GCAT: variants seen among roughly 807,000 people sequenced by gnomAD.
GCAT encodes the protein glycine C-acetyltransferase.
Under a neutral mutation model 39.7 loss-of-function variants are expected in GCAT, and 26 were observed. The observed-to-expected ratio is 0.65, with a 90% CI of 0.48 to 0.91. The LOEUF (loss-of-function observed/expected upper bound fraction) is 0.91, where lower values mean the gene tolerates loss of function less well. Among genes scored for constraint, GCAT ranks in the 40% least tolerant of loss-of-function variants. The pLI is 0.00. For missense variants in GCAT, 550 were observed against 576.2 expected (o/e 0.95, Z 0.47); for synonymous variants, 218 against 237.2 (o/e 0.92, Z 0.74).
chr22:37,809,384 C>T (rs1921321430), intron 1 of GCAT, among the ~76,000 whole-genome samples: 1 of 152,172 alleles, frequency 6.6e-6, no homozygotes, highest in South Asian at 2.1e-4. Flanking sequence ...AGTTCCAGGA[C>T]TGCAGCAGGC....
Position 37,813,527 on chromosome 22 carries a change from G to A in GCAT, c.494G>A (p.Gly165Asp), listed in dbSNP as rs748730448. 1 of 1,613,112 alleles carries A rather than the reference G, an allele frequency of 6.2e-7. No homozygotes were observed. Among genetic ancestry groups the A allele is most frequent in the Non-Finnish European group, 8.5e-7 (1 of 1,179,814 alleles). Residue 165 changes from glycine (G) to aspartate (D), a missense_variant, in exon 4 of 9, where the codon GGC becomes GAC. Physicochemically the swap from Gly to Asp is moderately conservative, Grantham distance 94. Transcript: ENST00000248924. ...DELNHASIID[G>D]IRLCKAHKYR... The stretch of plus-strand genomic sequence containing the variant: ...CTGAACCATGCCTCCATCATCGACG[G>A]CATCCGGCTGTGCAAGGCCCACAAG...
intron 3 of GCAT, chr22:37,813,197 G>A: frequency 3.1e-6 from 2 of 645,744 alleles, no homozygotes; most frequent in Admixed American, 4.9e-5. Context: ...AGCCTTTGGG[G>A]GATAAGCTAC....
chr22:37,813,010 G>A, intron 3 of GCAT, 22 bp downstream of exon 3: 2 of 1,519,204 alleles, frequency 1.3e-6, no homozygotes, highest in Non-Finnish European at 1.8e-6. Flanking sequence ...CTGTCCTGCG[G>A]GTGAGGGTTG....
chr22:37,816,156 T>C, intron 7 of GCAT, 44 bp from the exon 8 acceptor site: 1 of 1,600,796 alleles, frequency 6.2e-7, no homozygotes, highest in Admixed American at 1.7e-5. Flanking sequence ...CGGGTGTGAA[T>C]GCTCCACGGC....
At chr22:37,815,336 AC>A (rs1244035048) in intron 5 of GCAT, 56 bp downstream of exon 5, 2 of 1,599,066 alleles carry the variant, frequency 1.3e-6, no homozygotes, top group Admixed American at 3.4e-5. Flanking sequence ...TGGCTGGGAA[AC>A]GAGGAGGCCA....
At position 37,808,073 on chromosome 22, in the gene GCAT, G is replaced by A. The variant is rs747668156; in HGVS notation, c.106G>A (p.Glu36Lys). 1 of 1,569,826 alleles carries A rather than the reference G, an allele frequency of 6.4e-7. No individual in the cohort carries two copies. Among genetic ancestry groups the A allele is most frequent in the Non-Finnish European group, 8.6e-7 (1 of 1,159,566 alleles). ...QLRGILEGEL[E>K]GIRGAGTWKS... Reference sequence around the variant, plus strand: ...GCGTGGCATTCTGGAGGGGGAGCTGGAAGGCATCCGCGGAGCTGGCACTTG... The same window carrying A: ...GCGTGGCATTCTGGAGGGGGAGCTGAAAGGCATCCGCGGAGCTGGCACTTG... The change falls in exon 1 of 9, where the codon GAA (glutamate) becomes AAA (lysine). Residue 36 changes from glutamate to lysine, a missense_variant. Physicochemically the swap from Glu to Lys is moderately conservative, Grantham distance 56 (BLOSUM62 1). Transcript: ENST00000248924.
At position 37,815,689 on chromosome 22, in the gene GCAT, C is replaced by A; in HGVS notation, c.841C>A (p.Leu281Met). ...SGGYTTGPGPLVSLLRQRARP... is the reference protein window; with the variant it reads ...SGGYTTGPGPMVSLLRQRARP... The stretch of plus-strand genomic sequence containing the variant: ...GGGCTACACGACAGGGCCTGGGCCC[C>A]TGGTGTCCCTGCTGCGGCAGCGCGC... The change falls in exon 7 of 9, where the codon CTG (leucine) becomes ATG (methionine). Residue 281 changes from leucine to methionine, a missense_variant. Physicochemically the swap from Leu to Met is conservative, Grantham distance 15. Transcript: ENST00000248924. 1 of 1,613,186 alleles carries A rather than the reference C, an allele frequency of 6.2e-7. No individual in the cohort carries two copies. The highest frequency in any genetic ancestry group is 8.5e-7 in the Non-Finnish European group (1 of 1,179,690).
At position 37,810,238 on chromosome 22, in the gene GCAT, C is replaced by A; in HGVS notation, c.327+81C>A. 4 of 1,034,494 alleles carry A rather than the reference C, an allele frequency of 3.9e-6. No homozygotes were observed. The South Asian group carries it at 5.4e-5, about 14-fold the overall frequency. The allele number at this position is 1,034,494 out of a possible 1,614,324, so 64.1% of individuals were successfully genotyped here. On this transcript the variant is annotated intron_variant, in intron 2 of 8. Coordinates refer to ENST00000248924, the MANE Select transcript of GCAT (RefSeq NM_014291.4). The stretch of plus-strand genomic sequence containing the variant: ...CAGTCAGCAAGGCTGGTTTAGCCAG[C>A]TCAGCTCAGCCACAGCCCTGGGCCT...
At chr22:37,814,386 C>G (rs1340648942) in intron 4 of GCAT, among the ~76,000 whole-genome samples, 2 of 152,302 alleles carry the variant, frequency 1.3e-5, no homozygotes, top group East Asian at 3.9e-4. Context: ...GCCTCAGCCT[C>G]TGGAGTAGCT....
chr22:37,810,811 G>A (rs1921505070), intron 2 of GCAT, among the ~76,000 whole-genome samples: 2 of 151,900 alleles, frequency 1.3e-5, no homozygotes, highest in African/African-American at 2.4e-5. Flanking sequence ...CACCGCACTC[G>A]GCCTAATTTT....
intron 1 of GCAT, chr22:37,809,819 C>CA (rs373397808): frequency 0.032 from 16,061 of 504,722 alleles, 6 homozygotes; most frequent in East Asian, 0.056. Flanking sequence ...GACCCTGTCT[C>CA]AAAAAAAAAA....
At chr22:37,815,983 C>G (rs942065990) in intron 7 of GCAT, 149 bp downstream of exon 7, 1 of 996,240 alleles carries the variant, frequency 1.0e-6, no homozygotes, top group African/African-American at 1.6e-5. Context: ...CCTCTCCCCT[C>G]TAGCTTCTGT....
Position 37,813,535 on chromosome 22 carries a change from C to T in GCAT, c.502C>T (p.Leu168=). ...TGCCTCCATCATCGACGGCATCCGG[C>T]TGTGCAAGGCCCACAAGTACCGCTA... ...NHASIIDGIR[L]CKAHKYRYRH... is the part of the protein sequence containing the mutation. Residue 168 remains leucine (L), a synonymous_variant, in exon 4 of 9, where the codon CTG becomes TTG. Transcript: ENST00000248924. 1 of 1,613,562 alleles carries T rather than the reference C, an allele frequency of 6.2e-7. No individual in the cohort carries two copies. Among genetic ancestry groups the T allele is most frequent in the Admixed American group, 1.7e-5 (1 of 59,990 alleles).
At chr22:37,815,878 T>C (rs1922134955) in intron 7 of GCAT, 44 bp downstream of exon 7, 2 of 1,605,118 alleles carry the variant, frequency 1.2e-6, no homozygotes, top group African/African-American at 1.3e-5. Context: ...AGAGACGTGG[T>C]GAGAGCCAGC....
At chr22:37,815,947 G>A (rs2285179) in intron 7 of GCAT, 113 bp downstream of exon 7, 700,187 of 1,247,802 alleles carry the variant, frequency 0.56, 199,805 homozygotes, top group East Asian at 0.83. Flanking sequence ...GCTTCTGCCT[G>A]TTCCCCTCCC....
intron 2 of GCAT, among the ~76,000 whole-genome samples, chr22:37,811,860 AGG>A: frequency 7.1e-6 from 1 of 140,624 alleles, no homozygotes; most frequent in East Asian, 2.1e-4. Context: ...TGGGTGACAG[AGG>A]GAAACTCTGT....
In GCAT at chr22:37,807,959, G is replaced by A. The variant is rs1380389594; in HGVS notation, c.-9G>A. ...AGGCAGGCAGGCGCGCTCGGGCGAGGTAGGAGCGATGTGGCCTGGGAACGC... is the reference window on the plus strand; with the variant it reads ...AGGCAGGCAGGCGCGCTCGGGCGAGATAGGAGCGATGTGGCCTGGGAACGC... On this transcript the variant is annotated 5_prime_UTR_variant, in exon 1 of 9. Coordinates refer to ENST00000248924, the MANE Select transcript of GCAT (RefSeq NM_014291.4). 6.6e-7 allele frequency: 1 copy of A among 1,518,308 alleles called. No individual in the cohort carries two copies. Among genetic ancestry groups the A allele is most frequent in the African/African-American group, 1.4e-5 (1 of 70,224 alleles). 94.1% of individuals were successfully genotyped at this position (1,518,308 alleles called of 1,614,324 possible).
intron 4 of GCAT, among the ~76,000 whole-genome samples, chr22:37,814,911 A>G (rs149904767): frequency 2.0e-5 from 3 of 152,332 alleles, no homozygotes; most frequent in Non-Finnish European, 2.9e-5. Flanking sequence ...ATGTGAGCCC[A>G]TTCTCACTGT....
At chr22:37,816,037 C>T (rs530084007) in intron 7 of GCAT, among the ~76,000 whole-genome samples, 163 bp from the exon 8 acceptor site, 50 of 152,180 alleles carry the variant, frequency 3.3e-4, no homozygotes, top group Non-Finnish European at 6.8e-4. Flanking sequence ...CCTTGTTGTT[C>T]TCCCTGCCCC....
Sources: gnomAD v4.1 joint callset for allele counts (sites outside exome capture counted in the v4.1 genomes callset) on GRCh38, gnomAD v4.1.1 for gene constraint, MANE v1.5 for transcripts, NCBI Gene and HGNC (gene_info 2026-07-23, HGNC 2026-07-21) for gene names.